The following KIF1B variants were observed in gnomAD, a reference collection of about 807,000 sequenced individuals.
The protein encoded by KIF1B is kinesin family member 1B.
KIF1B carries 76 observed loss-of-function variants against 241.9 expected under a neutral mutation model. The observed-to-expected ratio is 0.31, with a 90% confidence interval of 0.26 to 0.38. KIF1B has a LOEUF of 0.38. KIF1B is among the 10% of genes least tolerant of loss of function. The pLI, the probability that KIF1B is intolerant of heterozygous loss-of-function variation, is 1.00. For synonymous variants in KIF1B, 750 were observed against 796.7 expected (o/e 0.94, Z 0.99); for missense variants, 1,622 against 2,271.4 (o/e 0.71, Z 5.81).
At position 10,279,114 on chromosome 1, in the gene KIF1B, G is replaced by A; in HGVS notation, c.1198G>A (p.Asp400Asn). The change falls in exon 14 of 49, where the codon GAT becomes AAT. Residue 400 changes from aspartate to asparagine, a missense_variant. Physicochemically the swap from Asp to Asn is conservative, Grantham distance 23 (BLOSUM62 1). Around this residue, in one of 7 missense-constraint regions of KIF1B, gnomAD observed 201 missense variants for 301.2 expected, o/e 0.67. Transcript: ENST00000676179. ...ACCTTCAGTTGATCCATTGATCGATGATTACTCTGGAAGTGGAAGCAAATG... is the reference window on the plus strand; with the variant it reads ...ACCTTCAGTTGATCCATTGATCGATAATTACTCTGGAAGTGGAAGCAAATG... ...DIIDIDPLID[D>N]YSGSGSKYLK... 1.9e-6 allele frequency: 3 copies of A among 1,547,044 alleles called. No homozygotes were observed. The highest frequency in any genetic ancestry group is 2.6e-6 in the Non-Finnish European group (3 of 1,144,028).
At chr1:10,238,111 T>G (rs2102142118) in intron 2 of KIF1B, among the ~76,000 whole-genome samples, 1 of 151,882 alleles carries the variant, frequency 6.6e-6, no homozygotes, top group East Asian at 2.0e-4. Flanking sequence ...CTGGACACAG[T>G]GGCTCACGCC....
chr1:10,356,898 C>CTAAATAAATAAA (rs61266375), intron 38 of KIF1B, among the ~76,000 whole-genome samples: 7 of 149,192 alleles, frequency 4.7e-5, no homozygotes, highest in Non-Finnish European at 8.9e-5. Flanking sequence ...GACTCCGTCT[C>CTAAATAAATAAA]TAAATAAATA....
chr1:10,334,397 AG>A, intron 27 of KIF1B, 122 bp from the exon 28 acceptor site: 1 of 800,284 alleles, frequency 1.2e-6, no homozygotes, highest in Admixed American at 1.7e-5. Flanking sequence ...AGGACTGAGA[AG>A]GGGTCTTAAG....
intron 10 of KIF1B, among the ~76,000 whole-genome samples, chr1:10,273,566 T>C (rs1648917790): frequency 6.6e-6 from 1 of 151,980 alleles, no homozygotes; most frequent in African/African-American, 2.4e-5. Context: ...CAATCTAAAA[T>C]TGAACCTGCT....
At chr1:10,299,302 GGTT>G (rs1247685740) in intron 22 of KIF1B, among the ~76,000 whole-genome samples, 1 of 152,148 alleles carries the variant, frequency 6.6e-6, no homozygotes, top group East Asian at 1.9e-4. Flanking sequence ...ATCAGATTCT[GGTT>G]GTTGTTTGCT....
intron 27 of KIF1B, among the ~76,000 whole-genome samples, chr1:10,329,514 C>G (rs1303293765): frequency 6.6e-6 from 1 of 152,136 alleles, no homozygotes; most frequent in Non-Finnish European, 1.5e-5. Flanking sequence ...GTGGGCAGAT[C>G]ATGAGGTCAA....
chr1:10,348,560 C>T (rs182971630), intron 36 of KIF1B, 89 bp from the exon 37 acceptor site: 3 of 919,418 alleles, frequency 3.3e-6, no homozygotes, highest in African/African-American at 1.6e-5. Flanking sequence ...TGCTCATCCC[C>T]CATGCCATGC....
intron 4 of KIF1B, among the ~76,000 whole-genome samples, chr1:10,260,097 A>C (rs1001431693): frequency 6.6e-6 from 1 of 152,216 alleles, no homozygotes; most frequent in African/African-American, 2.4e-5. Flanking sequence ...GATATCATAG[A>C]GTGTACTTAC....
At chr1:10,366,060 G>A (rs1207619772) in intron 43 of KIF1B, among the ~76,000 whole-genome samples, 9 of 151,894 alleles carry the variant, frequency 5.9e-5, no homozygotes, top group African/African-American at 2.2e-4. Flanking sequence ...GTGAAACCCT[G>A]TCTCTACTAA....
At chr1:10,272,731 T>TC (rs199835840) in intron 9 of KIF1B, among the ~76,000 whole-genome samples, 9 of 149,622 alleles carry the variant, frequency 6.0e-5, no homozygotes, top group Admixed American at 1.3e-4. Flanking sequence ...TTTTTTTTTT[T>TC]CCCCCAATAG....
At chr1:10,228,648 A>G (rs1486719744) in intron 1 of KIF1B, among the ~76,000 whole-genome samples, 1 of 152,148 alleles carries the variant, frequency 6.6e-6, no homozygotes, top group Non-Finnish European at 1.5e-5. Flanking sequence ...TTGTTTTTCA[A>G]AAGGCCCCCG....
Position 10,268,269 on chromosome 1 carries a change from A to T in KIF1B, c.720+6A>T, listed in dbSNP as rs763820551. The T allele has an allele frequency of 4.5e-6, 7 of 1,553,944 alleles. No individual in the cohort carries two copies. The South Asian group carries it at 7.8e-5, about 17-fold the overall frequency. ...CCAACCTTTCCACTGAGAAGGTAGG[A>T]GAGTTTCAGTCTCTAGGCTTGAGTT... On this transcript the variant is annotated splice_donor_region_variant and intron_variant, in intron 7 of 48. Coordinates refer to ENST00000676179, the MANE Select transcript of KIF1B (RefSeq NM_001365951.3).
In KIF1B at chr1:10,326,238, G is replaced by A. The variant is rs1440717066; in HGVS notation, c.2803G>A (p.Asp935Asn). 6.2e-7 allele frequency: 1 copy of A among 1,614,206 alleles called. No individual in the cohort carries two copies. The highest frequency in any genetic ancestry group is 2.2e-5 in the East Asian group (1 of 44,888). ...DEQQDEMEDF[D>N]DEAFVDDAGS... ...GCAGCAAGATGAGATGGAGGATTTT[G>A]ATGATGAGGCATTCGTGGATGACGC... is the stretch of plus-strand genomic sequence containing the variant. Residue 935 changes from aspartate to asparagine, a missense_variant, in exon 27 of 49, where the codon GAT becomes AAT. Physicochemically the swap from Asp to Asn is conservative, Grantham distance 23. Around this residue, in one of 7 missense-constraint regions of KIF1B, gnomAD observed 803 missense variants for 1,112.0 expected, o/e 0.72. Transcript: ENST00000676179. This position sits in a 1 kb window ranked among gnomAD's most constrained non-coding sequence, Gnocchi z 5.2.
At chr1:10,261,806 A>C in intron 4 of KIF1B, 99 bp from the exon 5 acceptor site, 3 of 785,016 alleles carry the variant, frequency 3.8e-6, no homozygotes, top group Non-Finnish European at 7.0e-6. Flanking sequence ...TTTGAGATGG[A>C]GCAAGAAAGG....
intron 23 of KIF1B, among the ~76,000 whole-genome samples, chr1:10,320,452 T>G (rs1478493742): frequency 1.3e-5 from 2 of 152,160 alleles, no homozygotes; most frequent in Non-Finnish European, 2.9e-5. Flanking sequence ...AGATATCCAT[T>G]ACAAATATAG....
chr1:10,246,946 C>G (rs1177553054), intron 2 of KIF1B, among the ~76,000 whole-genome samples: 1 of 152,134 alleles, frequency 6.6e-6, no homozygotes, highest in Non-Finnish European at 1.5e-5. Flanking sequence ...ACACTTGCAG[C>G]CTCTGCCTCC....
At chr1:10,225,834 T>G (rs2102113722) in intron 1 of KIF1B, among the ~76,000 whole-genome samples, 1 of 152,130 alleles carries the variant, frequency 6.6e-6, no homozygotes, top group Admixed American at 6.6e-5. Flanking sequence ...TTGTGGGGAG[T>G]TCAGTCATTG....
chr1:10,310,781 A>G (rs2102281511), intron 22 of KIF1B, among the ~76,000 whole-genome samples: 1 of 151,660 alleles, frequency 6.6e-6, no homozygotes, highest in East Asian at 1.9e-4. Context: ...TAACCACACC[A>G]GTAGTGAGTC....
chr1:10,277,863 A>G (rs1649199133), intron 12 of KIF1B, 123 bp from the exon 13 acceptor site: 6 of 846,360 alleles, frequency 7.1e-6, no homozygotes, highest in Non-Finnish European at 9.5e-6. Flanking sequence ...ATACAAATGT[A>G]TTATTATCAA....
Sources: gnomAD v4.1 joint callset for allele counts (sites outside exome capture counted in the v4.1 genomes callset) on GRCh38, gnomAD v4.1.1 for gene constraint, gnomAD v4.1.1 regional missense constraint, Gnocchi (gnomAD v3.1) non-coding constraint, MANE v1.5 for transcripts, NCBI Gene and HGNC (gene_info 2026-07-23, HGNC 2026-07-21) for gene names.